Variants in GRM4 observed in about 807,000 individuals in gnomAD.
GRM4 encodes metabotropic glutamate receptor 4.
Under a neutral mutation model 81.7 loss-of-function variants are expected in GRM4, and 28 were observed. The observed-to-expected ratio is 0.34, with a 90% confidence interval of 0.25 to 0.47. The LOEUF (loss-of-function observed/expected upper bound fraction) is 0.47, where lower values mean the gene tolerates loss of function less well. Among genes scored for constraint, GRM4 ranks in the 20% least tolerant of loss-of-function variants. The probability of loss-of-function intolerance (pLI) is 1.00; values close to 1 mark genes in which losing one functional copy is unlikely to be tolerated. For missense variants in GRM4, 948 were observed against 1,290.0 expected (o/e 0.73, Z 4.06); for synonymous variants, 488 against 528.8 (o/e 0.92, Z 1.06).
Position 34,045,138 on chromosome 6 carries a change from G to C in GRM4, c.1169-4390C>G, listed in dbSNP as rs112228086. Among the ~76,000 whole-genome samples the C allele has an allele frequency of 1.2e-3, 183 of 152,334 alleles. 2 individuals are homozygous for C. The highest frequency in any genetic ancestry group is 4.1e-3 in the African/African-American group (170 of 41,570). Reference sequence around the variant, plus strand: ...GGACCTAGGTGACTCCCCTGGCGGGGTAGCGGGGCATGTAGGGGAGGGGTG... The same window carrying C: ...GGACCTAGGTGACTCCCCTGGCGGGCTAGCGGGGCATGTAGGGGAGGGGTG... On this transcript the variant is annotated intron_variant, in intron 6 of 10. Coordinates refer to ENST00000538487, the MANE Select transcript of GRM4 (RefSeq NM_000841.4).
chr6:34,125,958 C>T (rs1043544709), intron 2 of GRM4, among the ~76,000 whole-genome samples: 1 of 152,216 alleles, frequency 6.6e-6, no homozygotes, highest in Admixed American at 6.5e-5. Flanking sequence ...CTATTGAATC[C>T]TATTCTGTAT....
intron 2 of GRM4, among the ~76,000 whole-genome samples, chr6:34,127,889 G>A (rs1221098580): frequency 6.6e-6 from 1 of 152,156 alleles, no homozygotes; most frequent in Non-Finnish European, 1.5e-5. Context: ...CCACGTCCTC[G>A]ACAGAACATC....
chr6:34,045,037 C>A (rs1478008027), intron 6 of GRM4, among the ~76,000 whole-genome samples: 2 of 152,004 alleles, frequency 1.3e-5, no homozygotes, highest in African/African-American at 4.8e-5. Context: ...ACACCCCCAC[C>A]ACACCACACA....
chr6:34,035,304 AGAG>A lies in GRM4; in HGVS notation c.2442+361_2442+363del, dbSNP rs1190406316. On this transcript the variant is annotated intron_variant, in intron 9 of 10. Coordinates refer to ENST00000538487, the MANE Select transcript of GRM4 (RefSeq NM_000841.4). This position sits in a 1 kb window ranked among gnomAD's most constrained non-coding sequence, Gnocchi z 6.6. ...AGCAGGGATGGAGAGACAGGGAGAA[AGAG>A]GAGGAGGGGGAAGGAGAACAGGGGG... 1.3e-4 allele frequency among the ~76,000 whole-genome samples: 16 copies of A among 124,326 alleles called. No individual in the cohort carries two copies. The highest frequency in any genetic ancestry group is 2.5e-4 in the Non-Finnish European group (16 of 63,192). The allele number at this position is 124,326 out of a possible 152,430, so 81.6% of individuals were successfully genotyped here. A position where few individuals can be genotyped will look rare whatever the true frequency, so the allele number is the denominator to read the frequency against.
chr6:34,029,501 C>T (rs1036121833), intron 9 of GRM4, among the ~76,000 whole-genome samples: 4 of 152,144 alleles, frequency 2.6e-5, no homozygotes, highest in Non-Finnish European at 4.4e-5. Context: ...CCTTGCACGC[C>T]GCTCCATAGA....
intron 1 of GRM4, among the ~76,000 whole-genome samples, chr6:34,153,925 CAAAAAAAA>C (rs3041982): frequency 3.4e-4 from 44 of 129,482 alleles, no homozygotes; most frequent in African/African-American, 1.2e-3. Context: ...GACTCTGTCT[CAAAAAAAA>C]AAAAAAAAAG....
chr6:34,100,497 T>A (rs1462262437), intron 2 of GRM4, among the ~76,000 whole-genome samples: 1 of 152,046 alleles, frequency 6.6e-6, no homozygotes, highest in Non-Finnish European at 1.5e-5. Flanking sequence ...TCCACCAGCC[T>A]CCCCCCATAC....
At position 34,059,422 on chromosome 6, in the gene GRM4, T is replaced by G; in HGVS notation, c.873-294A>C. 10 of 378,606 alleles carry G rather than the reference T, an allele frequency of 2.6e-5. No homozygotes were observed. Among genetic ancestry groups the G allele is most frequent in the South Asian group, 7.3e-5 (2 of 27,402 alleles). 23.5% of individuals were successfully genotyped at this position (378,606 alleles called of 1,614,324 possible). The stretch of plus-strand genomic sequence containing the variant: ...TCTGTCCCTGCAAAGACCACACCTC[T>G]CCCCTCCAGATCCACACCCGCCCCA... On this transcript the variant is annotated intron_variant, in intron 4 of 10. Coordinates refer to ENST00000538487, the MANE Select transcript of GRM4 (RefSeq NM_000841.4). The surrounding 1 kb of genome is among the most constrained non-coding windows in gnomAD (Gnocchi z 5.7).
intron 10 of GRM4, among the ~76,000 whole-genome samples, chr6:34,025,701 T>G (rs941317137): frequency 3.9e-5 from 6 of 152,252 alleles, no homozygotes; most frequent in Non-Finnish European, 8.8e-5. Flanking sequence ...GTCAGGACAC[T>G]TGGGGACCAG....
At chr6:34,085,754 AC>A (rs1390205530) in intron 3 of GRM4, among the ~76,000 whole-genome samples, 1 of 152,220 alleles carries the variant, frequency 6.6e-6, no homozygotes, top group Non-Finnish European at 1.5e-5. Context: ...CCATATACAA[AC>A]AAATAAAAAT....
chr6:34,083,898 G>GC (rs1380348831), intron 3 of GRM4, among the ~76,000 whole-genome samples: 1 of 152,126 alleles, frequency 6.6e-6, no homozygotes, highest in African/African-American at 2.4e-5. Context: ...CATGCTCCAG[G>GC]CACTGCCACC....
intron 2 of GRM4, among the ~76,000 whole-genome samples, chr6:34,123,985 G>A (rs1210701398): frequency 6.6e-6 from 1 of 152,206 alleles, no homozygotes; most frequent in Non-Finnish European, 1.5e-5. Flanking sequence ...CAGGGTGGGA[G>A]CCCAGGGGAA....
At chr6:34,106,751 C>T (rs1456424706) in intron 2 of GRM4, among the ~76,000 whole-genome samples, 2 of 152,370 alleles carry the variant, frequency 1.3e-5, no homozygotes, top group South Asian at 4.1e-4. Flanking sequence ...ATTTGTCGGC[C>T]TTGCTCACTG....
chr6:34,032,968 T>C (rs1764509837), intron 9 of GRM4, among the ~76,000 whole-genome samples: 2 of 152,148 alleles, frequency 1.3e-5, no homozygotes, highest in African/African-American at 4.8e-5. Context: ...AGGGGCCTCC[T>C]GGTATTGTTG....
rs1764579059 is a variant in GRM4, at chr6:34,034,228, T to C, written c.2442+1440A>G. Among the ~76,000 whole-genome samples the C allele has an allele frequency of 6.6e-6, 1 of 152,240 alleles. No individual in the cohort carries two copies. The highest frequency in any genetic ancestry group is 6.5e-5 in the Admixed American group (1 of 15,288). On this transcript the variant is annotated intron_variant, in intron 9 of 10. Transcript: ENST00000538487. The surrounding 1 kb of genome is among the most constrained non-coding windows in gnomAD (Gnocchi z 4.0). ...CCTTCTCCTGCCCCTCCCAGGCTCCTCTCATTGTCTGCTCTTCCTTAGCAT... is the reference window on the plus strand; with the variant it reads ...CCTTCTCCTGCCCCTCCCAGGCTCCCCTCATTGTCTGCTCTTCCTTAGCAT...
rs1314053038 is a variant in GRM4 at position 34,133,531 on chromosome 6, C to A, written c.-35G>T. The A allele has an allele frequency of 9.2e-6, 14 of 1,514,000 alleles. No individual in the cohort carries two copies. Among genetic ancestry groups the A allele is most frequent in the Non-Finnish European group, 1.1e-5 (12 of 1,136,088 alleles). 93.8% of individuals were successfully genotyped at this position (1,514,000 alleles called of 1,614,324 possible). A position where few individuals can be genotyped will look rare whatever the true frequency, so the allele number is the denominator to read the frequency against. On this transcript the variant is annotated 5_prime_UTR_variant, in exon 2 of 11. Coordinates refer to ENST00000538487, the MANE Select transcript of GRM4 (RefSeq NM_000841.4). The surrounding 1 kb of genome is among the most constrained non-coding windows in gnomAD (Gnocchi z 6.5). ...CCCTAGAGACCCATGAACGGCAGGC[C>A]CACTCCTAGCCCTGGCAGGCCCCTG... is the stretch of plus-strand genomic sequence containing the variant.
chr6:34,093,488 G>GGAGC (rs1178332839), intron 2 of GRM4, among the ~76,000 whole-genome samples: 1 of 152,214 alleles, frequency 6.6e-6, no homozygotes, highest in Non-Finnish European at 1.5e-5. Flanking sequence ...TGGGAGGAGA[G>GGAGC]GAGCAAGCAA....
At position 34,111,589 on chromosome 6, in the gene GRM4, C is replaced by T. The variant is rs756004378; in HGVS notation, c.520-19490G>A. ...AGAGAGTGCTGTCCCCCATCCACAC[C>T]CCGGCAGGGGACAGCTTTCTGCAGG... On this transcript the variant is annotated intron_variant, in intron 2 of 10. Transcript: ENST00000538487. The surrounding 1 kb of genome is among the most constrained non-coding windows in gnomAD (Gnocchi z 5.1). Among the ~76,000 whole-genome samples, 32 of 152,332 alleles carry T rather than the reference C, an allele frequency of 2.1e-4. No homozygotes were observed. The highest frequency in any genetic ancestry group is 6.5e-4 in the Admixed American group (10 of 15,306).
chr6:34,102,985 A>G (rs1184185890), intron 2 of GRM4, among the ~76,000 whole-genome samples: 1 of 152,194 alleles, frequency 6.6e-6, no homozygotes, highest in African/African-American at 2.4e-5. Flanking sequence ...TGCCCAGCAC[A>G]TAGAAGGTGC....
Sources: gnomAD v4.1 joint callset for allele counts (sites outside exome capture counted in the v4.1 genomes callset) on GRCh38, gnomAD v4.1.1 for gene constraint, Gnocchi (gnomAD v3.1) non-coding constraint, MANE v1.5 for transcripts, NCBI Gene and HGNC (gene_info 2026-07-23, HGNC 2026-07-21) for gene names.